The following KCNC2 variants were observed in gnomAD, a reference collection of about 807,000 sequenced individuals.
The protein encoded by KCNC2 is potassium voltage-gated channel subfamily C member 2.
In KCNC2, 21 loss-of-function variants were observed where a neutral mutation model predicts 44.5. The observed-to-expected ratio is 0.47, with a 90% CI of 0.33 to 0.68. The LOEUF (loss-of-function observed/expected upper bound fraction) is 0.68, where lower values mean the gene tolerates loss of function less well. Ranked by LOEUF, KCNC2 falls within the 30% of genes least tolerant of loss-of-function variation. The pLI, the probability that KCNC2 is intolerant of heterozygous loss-of-function variation, is 0.01. For missense variants in KCNC2, 589 were observed against 826.2 expected, an observed-to-expected ratio of 0.71 and a Z score of 3.52; for synonymous variants, 391 against 339.1, an observed-to-expected ratio of 1.15 and a Z score of -1.68.
intron 2 of KCNC2, among the ~76,000 whole-genome samples, chr12:75,098,189 T>C (rs1190931513): frequency 2.0e-5 from 3 of 152,180 alleles, no homozygotes; most frequent in African/African-American, 7.2e-5. Flanking sequence ...ATATTTTATG[T>C]TAAAACACAT....
chr12:75,052,824 T>A (rs1159848597), intron 2 of KCNC2, among the ~76,000 whole-genome samples: 1 of 152,092 alleles, frequency 6.6e-6, no homozygotes, highest in Non-Finnish European at 1.5e-5. Context: ...AAGAACCACC[T>A]CAAATTATGG....
At chr12:75,115,896 C>T (rs983961941) in intron 2 of KCNC2, among the ~76,000 whole-genome samples, 1 of 152,112 alleles carries the variant, frequency 6.6e-6, no homozygotes, top group African/African-American at 2.4e-5. Flanking sequence ...TCTCTGGACT[C>T]CCTGCTTTGA....
intron 2 of KCNC2, among the ~76,000 whole-genome samples, chr12:75,087,194 T>A (rs1052689119): frequency 6.6e-6 from 1 of 152,130 alleles, no homozygotes; most frequent in African/African-American, 2.4e-5. Flanking sequence ...CAAATGTGGT[T>A]CACAGTTGCC....
chr12:75,138,690 G>A (rs532155585), intron 2 of KCNC2, among the ~76,000 whole-genome samples: 2 of 152,156 alleles, frequency 1.3e-5, no homozygotes, highest in South Asian at 2.1e-4. Context: ...ATAAGAAAAC[G>A]GGATTCCGGG....
chr12:75,134,402 T>C (rs1488057027), intron 2 of KCNC2, among the ~76,000 whole-genome samples: 2 of 151,974 alleles, frequency 1.3e-5, no homozygotes, highest in African/African-American at 4.8e-5. Flanking sequence ...AAAGGCATGA[T>C]ATTTATCTCT....
Position 75,178,725 on chromosome 12 carries a change from A to T in KCNC2, c.687+28572T>A, listed in dbSNP as rs181833864. Among the ~76,000 whole-genome samples, 61 of 152,212 alleles carry T rather than the reference A, an allele frequency of 4.0e-4. 1 individual carries two copies. The highest frequency in any genetic ancestry group is 1.4e-3 in the African/African-American group (57 of 41,572). On this transcript the variant is annotated intron_variant, in intron 2 of 4. Coordinates refer to ENST00000549446, the MANE Select transcript of KCNC2 (RefSeq NM_139137.4). ...AGTGAAGAGAAATGAGATAATACAC[A>T]TGAAAACATTCAAAACATAGATTAG...
At chr12:75,097,514 T>C (rs1230513509) in intron 2 of KCNC2, among the ~76,000 whole-genome samples, 1 of 152,106 alleles carries the variant, frequency 6.6e-6, no homozygotes, top group Non-Finnish European at 1.5e-5. Context: ...AAGGCATATA[T>C]AATAATTCTG....
At chr12:75,143,158 G>A (rs1051916882) in intron 2 of KCNC2, among the ~76,000 whole-genome samples, 2 of 152,098 alleles carry the variant, frequency 1.3e-5, no homozygotes, top group Admixed American at 1.3e-4. Context: ...AATTCCAGGA[G>A]ATTTAACCAA....
Position 75,041,436 on chromosome 12 carries a change from G to A in KCNC2, c.*1669C>T. ...ATGTTTCGTGGCCAATAATAAAAGTGACAATTGTCTTCCTAACAAAAAATA... is the reference window on the plus strand; with the variant it reads ...ATGTTTCGTGGCCAATAATAAAAGTAACAATTGTCTTCCTAACAAAAAATA... On this transcript the variant is annotated 3_prime_UTR_variant, in exon 5 of 5. Transcript: ENST00000549446. 1 of 1,284,402 alleles carries A rather than the reference G, an allele frequency of 7.8e-7. No homozygotes were observed. The highest frequency in any genetic ancestry group is 9.9e-7 in the Non-Finnish European group (1 of 1,009,536). The allele number at this position is 1,284,402 out of a possible 1,614,324, so 79.6% of individuals were successfully genotyped here. A position where few individuals can be genotyped will look rare whatever the true frequency, so the allele number is the denominator to read the frequency against.
At chr12:75,089,058 A>T (rs1485879159) in intron 2 of KCNC2, among the ~76,000 whole-genome samples, 2 of 151,996 alleles carry the variant, frequency 1.3e-5, no homozygotes, top group Non-Finnish European at 2.9e-5. Context: ...TGGAAGATTG[A>T]CTACAAATGT....
chr12:75,183,609 CAT>C (rs1054863413), intron 2 of KCNC2, among the ~76,000 whole-genome samples: 3 of 152,154 alleles, frequency 2.0e-5, no homozygotes, highest in Non-Finnish European at 4.4e-5. Context: ...ATATTATCCA[CAT>C]ATGTTAAAAA....
intron 2 of KCNC2, among the ~76,000 whole-genome samples, chr12:75,171,629 G>A (rs1262803043): frequency 6.6e-6 from 1 of 151,820 alleles, no homozygotes; most frequent in South Asian, 2.1e-4. Flanking sequence ...GAGGCTAGTG[G>A]GGAGGGAGGA....
Position 75,041,758 on chromosome 12 carries a change from T to C in KCNC2, c.*1347A>G, listed in dbSNP as rs929268863. On this transcript the variant is annotated 3_prime_UTR_variant, in exon 5 of 5. Coordinates refer to ENST00000549446, the MANE Select transcript of KCNC2 (RefSeq NM_139137.4). The stretch of plus-strand genomic sequence containing the variant: ...GGTGAAATTGCTGCTTAAACCCTGC[T>C]TATCAAAAAGATTCACAGTGCCGAT... The C allele has an allele frequency of 2.0e-6, 2 of 991,572 alleles. No individual in the cohort carries two copies. The highest frequency in any genetic ancestry group is 3.5e-5 in the African/African-American group (2 of 57,394). 61.4% of individuals were successfully genotyped at this position (991,572 alleles called of 1,614,324 possible).
intron 2 of KCNC2, among the ~76,000 whole-genome samples, chr12:75,152,701 C>T (rs992678637): frequency 3.3e-5 from 5 of 151,834 alleles, no homozygotes; most frequent in Non-Finnish European, 7.4e-5. Context: ...AAGTAAACAG[C>T]TAGAATTAAA....
intron 2 of KCNC2, among the ~76,000 whole-genome samples, chr12:75,157,417 G>C (rs1393545032): frequency 2.0e-5 from 3 of 151,820 alleles, no homozygotes; most frequent in Admixed American, 6.6e-5. Context: ...ATCTACCTCA[G>C]GATTTCTTGA....
At chr12:75,188,349 C>T (rs1362192695) in intron 2 of KCNC2, among the ~76,000 whole-genome samples, 2 of 152,118 alleles carry the variant, frequency 1.3e-5, no homozygotes, top group Non-Finnish European at 2.9e-5. Context: ...AGCTTCTTTC[C>T]GAATTCACTT....
intron 2 of KCNC2, among the ~76,000 whole-genome samples, chr12:75,062,713 G>T (rs1270515497): frequency 6.6e-6 from 1 of 151,594 alleles, no homozygotes; most frequent in Admixed American, 6.6e-5. Flanking sequence ...CTCATTTTAG[G>T]GCTTTCAGGT....
Position 75,041,395 on chromosome 12 carries a change from G to A in KCNC2, c.*1710C>T. 2 of 1,389,280 alleles carry A rather than the reference G, an allele frequency of 1.4e-6. No homozygotes were observed. Among genetic ancestry groups the A allele is most frequent in the Non-Finnish European group, 1.9e-6 (2 of 1,069,470 alleles). The allele number at this position is 1,389,280 out of a possible 1,614,324, so 86.1% of individuals were successfully genotyped here. On this transcript the variant is annotated 3_prime_UTR_variant, in exon 5 of 5. Coordinates refer to ENST00000549446, the MANE Select transcript of KCNC2 (RefSeq NM_139137.4). ...ATGCAGGTCATGCTCTAGGACTTGG[G>A]GATATAGAGTAATACATGTTTCGTG...
At chr12:75,143,804 C>T (rs137859844) in intron 2 of KCNC2, among the ~76,000 whole-genome samples, 1 of 152,216 alleles carries the variant, frequency 6.6e-6, no homozygotes, top group East Asian at 1.9e-4. Flanking sequence ...AATAGAAAAC[C>T]TTACACAAAA....
Sources: gnomAD v4.1 joint callset for allele counts (sites outside exome capture counted in the v4.1 genomes callset) on GRCh38, gnomAD v4.1.1 for gene constraint, MANE v1.5 for transcripts, NCBI Gene and HGNC (gene_info 2026-07-23, HGNC 2026-07-21) for gene names.